Variants in TNKS observed in about 807,000 individuals in gnomAD.
TNKS encodes the protein poly [ADP-ribose] polymerase tankyrase-1.
Under a neutral mutation model 135.8 loss-of-function variants are expected in TNKS, and 72 were observed. The ratio of observed to expected loss-of-function variants is 0.53; its 90% confidence interval spans 0.44 to 0.64. TNKS has a LOEUF of 0.64. Among genes scored for constraint, TNKS ranks in the 30% least tolerant of loss-of-function variants. The pLI, the probability that TNKS is intolerant of heterozygous loss-of-function variation, is 0.00. For synonymous variants in TNKS, 849 were observed against 649.3 expected (o/e 1.31, Z -4.68); for missense variants, 1,769 against 1,674.0 (o/e 1.06, Z -0.99).
intron 26 of TNKS, among the ~76,000 whole-genome samples, chr8:9,772,842 T>G (rs1323908925): frequency 2.9e-5 from 4 of 138,320 alleles, no homozygotes; most frequent in Non-Finnish European, 4.6e-5. Flanking sequence ...TGTGTGTGTG[T>G]GTGTGTGTGT....
chr8:9,776,448 TCA>T (rs1188458502), intron 26 of TNKS, among the ~76,000 whole-genome samples, 200 bp from the exon 27 acceptor site: 1 of 152,208 alleles, frequency 6.6e-6, no homozygotes, highest in Non-Finnish European at 1.5e-5. Context: ...GAAATAACAT[TCA>T]GTTTTCTAGA....
intron 14 of TNKS, among the ~76,000 whole-genome samples, chr8:9,733,008 C>T (rs989188422): frequency 2.6e-5 from 4 of 152,080 alleles, no homozygotes; most frequent in South Asian, 2.1e-4. Flanking sequence ...TTTTCATTAG[C>T]GAAACTCATA....
chr8:9,730,809 T>C (rs2128817353), intron 13 of TNKS, 81 bp from the exon 14 acceptor site: 3 of 1,453,444 alleles, frequency 2.1e-6, no homozygotes, highest in East Asian at 4.6e-5. Flanking sequence ...TTATCCAAGA[T>C]GTTGAACTAT....
Position 9,717,102 on chromosome 8 carries a change from T to TATATATATATATATATA in TNKS, c.1750-3272_1750-3271insATATATATATATATATA, listed in dbSNP as rs60792807. Among the ~76,000 whole-genome samples, 186 of 122,658 alleles carry TATATATATATATATATA rather than the reference T, an allele frequency of 1.5e-3. 2 individuals carry two copies. The highest frequency in any genetic ancestry group is 2.5e-3 in the South Asian group (9 of 3,570). The allele number at this position is 122,658 out of a possible 152,430, so 80.5% of individuals were successfully genotyped here. A position where few individuals can be genotyped will look rare whatever the true frequency, so the allele number is the denominator to read the frequency against. On this transcript the variant is annotated intron_variant, in intron 11 of 26. Transcript: ENST00000310430. ...ATATATATATATATATATATATATATTTTCAGGGAATTTGATTGTTTCTTT... is the reference window on the plus strand; with the variant it reads ...ATATATATATATATATATATATATATATATATATATATATATATTTCAGGGAATTTGATTGTTTCTTT...
intron 21 of TNKS, among the ~76,000 whole-genome samples, chr8:9,762,323 C>T (rs996792019): frequency 6.6e-6 from 1 of 152,166 alleles, no homozygotes; most frequent in Admixed American, 6.5e-5. Context: ...GAAATTCAAA[C>T]TGGAAGATTT....
At position 9,777,680 on chromosome 8, in the gene TNKS, G is replaced by A. The variant is rs1808290208; in HGVS notation, c.*944G>A. 1 of 152,134 alleles carries A rather than the reference G, an allele frequency of 6.6e-6. No individual in the cohort carries two copies. Among genetic ancestry groups the A allele is most frequent in the Non-Finnish European group, 1.5e-5 (1 of 68,026 alleles). The allele number at this position is 152,134 out of a possible 1,614,324, so 9.4% of individuals were successfully genotyped here. On this transcript the variant is annotated 3_prime_UTR_variant, in exon 27 of 27. Coordinates refer to ENST00000310430, the MANE Select transcript of TNKS (RefSeq NM_003747.3). ...GGTTCTGTATCATGGCAGCCCCAAT[G>A]GATCCAGGGGATGCCTCCAAAAAAT...
At chr8:9,692,498 G>A (rs2128802158) in intron 5 of TNKS, among the ~76,000 whole-genome samples, 1 of 152,328 alleles carries the variant, frequency 6.6e-6, no homozygotes, top group African/African-American at 2.4e-5. Flanking sequence ...GTAGTATCAT[G>A]CCATGATCCA....
chr8:9,758,977 C>A (rs1806997671), intron 20 of TNKS, among the ~76,000 whole-genome samples: 1 of 152,156 alleles, frequency 6.6e-6, no homozygotes, highest in Admixed American at 6.5e-5. Context: ...CCCTCACGTG[C>A]TTATTGGCAG....
chr8:9,562,916 A>G (rs1435981030), intron 1 of TNKS, among the ~76,000 whole-genome samples: 1 of 151,430 alleles, frequency 6.6e-6, no homozygotes, highest in Admixed American at 6.6e-5. Flanking sequence ...TTCTCTAGAT[A>G]GATTTTCTCA....
intron 5 of TNKS, among the ~76,000 whole-genome samples, chr8:9,691,488 G>C (rs565124947): frequency 2.0e-5 from 3 of 152,194 alleles, no homozygotes; most frequent in East Asian, 3.9e-4. Flanking sequence ...GTCCATTTCT[G>C]AACATCCTAT....
intron 1 of TNKS, among the ~76,000 whole-genome samples, chr8:9,574,634 A>G (rs1797873913): frequency 6.6e-6 from 1 of 152,240 alleles, no homozygotes; most frequent in Non-Finnish European, 1.5e-5. Flanking sequence ...CAAAGTTGTG[A>G]CAAATACTGT....
At chr8:9,686,346 A>G (rs1407479863) in intron 5 of TNKS, among the ~76,000 whole-genome samples, 5 of 152,138 alleles carry the variant, frequency 3.3e-5, no homozygotes, top group Non-Finnish European at 5.9e-5. Context: ...GTCCCAGACA[A>G]TTTAACCCCA....
chr8:9,578,435 C>T (rs1278543166), intron 1 of TNKS, among the ~76,000 whole-genome samples: 1 of 152,226 alleles, frequency 6.6e-6, no homozygotes, highest in Non-Finnish European at 1.5e-5. Context: ...TTTACTGATT[C>T]AGTTACTAAT....
chr8:9,734,345 T>C (rs2128819024), intron 15 of TNKS, among the ~76,000 whole-genome samples: 1 of 152,342 alleles, frequency 6.6e-6, no homozygotes, highest in Non-Finnish European at 1.5e-5. Flanking sequence ...CTATAATTTT[T>C]AATACATTTA....
In TNKS at chr8:9,771,540, TGAGA is replaced by T. The variant is rs762378271; in HGVS notation, c.3897+1282_3897+1285del. The stretch of plus-strand genomic sequence containing the variant: ...GAGAGAGGAAGGGAGGGAGAAAGAC[TGAGA>T]GAGGAAGCAAGGGAGAAAGCGAGAG... On this transcript the variant is annotated intron_variant, in intron 26 of 26. Transcript: ENST00000310430. 7.5e-5 allele frequency among the ~76,000 whole-genome samples: 7 copies of T among 93,484 alleles called. No homozygotes were observed. The South Asian group carries it at 2.0e-3, about 27-fold the overall frequency. The allele number at this position is 93,484 out of a possible 152,430, so 61.3% of individuals were successfully genotyped here. A position where few individuals can be genotyped will look rare whatever the true frequency, so the allele number is the denominator to read the frequency against.
chr8:9,556,037 C>A lies in TNKS; in HGVS notation c.98C>A (p.Pro33His). The change falls in exon 1 of 27, where the codon CCC (proline) becomes CAC (histidine). Residue 33 changes from proline (P) to histidine (H), a missense_variant. Pro to His is a moderately conservative substitution (Grantham distance 77). Around this residue, in one of 5 missense-constraint regions of TNKS, gnomAD observed 450 missense variants for 304.9 expected, o/e 1.48. Transcript: ENST00000310430. ...TCAGCGCCGCCGCCGCCACCTCCTC[C>A]CCCACTCAGCCCTGGCCTGGCCCCG... ...GASAPPPPPP[P>H]PLSPGLAPGT... is the part of the protein sequence containing the mutation. 6.2e-7 allele frequency: 1 copy of A among 1,611,756 alleles called. No homozygotes were observed. Among genetic ancestry groups the A allele is most frequent in the Non-Finnish European group, 8.5e-7 (1 of 1,179,506 alleles).
intron 3 of TNKS, among the ~76,000 whole-genome samples, chr8:9,659,236 T>G (rs937293316): frequency 1.3e-5 from 2 of 152,196 alleles, no homozygotes; most frequent in Admixed American, 6.5e-5. Flanking sequence ...CAAGTGGACC[T>G]AATAGACATC....
intron 2 of TNKS, among the ~76,000 whole-genome samples, chr8:9,603,707 A>G (rs1482732663): frequency 6.6e-6 from 1 of 152,234 alleles, no homozygotes; most frequent in Admixed American, 6.5e-5. Context: ...AAGTTGAAAG[A>G]AGAACCCTGG....
chr8:9,771,344 GAAGC>G (rs148127030), intron 26 of TNKS, among the ~76,000 whole-genome samples: 35 of 104,748 alleles, frequency 3.3e-4, no homozygotes, highest in East Asian at 1.6e-3. Context: ...GAGAGGAAGG[GAAGC>G]AGGGAGGGAG....
Sources: gnomAD v4.1 joint callset for allele counts (sites outside exome capture counted in the v4.1 genomes callset) on GRCh38, gnomAD v4.1.1 for gene constraint, gnomAD v4.1.1 regional missense constraint, MANE v1.5 for transcripts, NCBI Gene and HGNC (gene_info 2026-07-23, HGNC 2026-07-21) for gene names.